The following RAB38 variants were observed in gnomAD, a reference collection of about 807,000 sequenced individuals.
RAB38 encodes ras-related protein Rab-38.
In RAB38, 15 loss-of-function variants were observed where a neutral mutation model predicts 18.4. The ratio of observed to expected loss-of-function variants is 0.82; its 90% confidence interval spans 0.55 to 1.26. RAB38 has a LOEUF of 1.26. Among genes scored for constraint, RAB38 ranks in the 50% most tolerant of loss-of-function variants. The pLI is 0.00. For synonymous variants in RAB38, 101 were observed against 104.4 expected, an observed-to-expected ratio of 0.97 and a Z score of 0.20; for missense variants, 294 against 267.4, an observed-to-expected ratio of 1.10 and a Z score of -0.69.
chr11:87,938,986 C>T, the RAB38 span, among the ~76,000 whole-genome samples: 2 of 151,864 alleles, frequency 1.3e-5, no homozygotes, highest in Non-Finnish European at 2.9e-5. Context: ...GTTTTTTTAA[C>T]GTTGCACTTT....
At chr11:87,937,257 G>T in the RAB38 span, among the ~76,000 whole-genome samples, 1 of 139,788 alleles carries the variant, frequency 7.2e-6, no homozygotes, top group African/African-American at 2.7e-5. Flanking sequence ...TGCATTAATT[G>T]ATTTAGAGTA....
chr11:88,013,414 A>G, the RAB38 span, among the ~76,000 whole-genome samples: 1 of 152,176 alleles, frequency 6.6e-6, no homozygotes, highest in Admixed American at 6.5e-5. Context: ...ACATCCAAGG[A>G]TGTGACTTCA....
At position 88,175,221 on chromosome 11, in the gene RAB38, G is replaced by C. The variant is rs1287741331; in HGVS notation, c.164C>G (p.Pro55Arg). The change falls in exon 1 of 3, where the codon CCG (proline) becomes CGG (arginine). Residue 55 changes from proline (P) to arginine (R), a missense_variant. Transcript: ENST00000243662. ...DFALKVLHWD[P>R]ETVVRLQLWD... The stretch of plus-strand genomic sequence containing the variant: ...GAGCTGCAGGCGCACCACAGTCTCC[G>C]GGTCCCAGTGGAGCACCTTGAGCGC... The C allele has an allele frequency of 2.5e-6, 4 of 1,613,574 alleles. No individual in the cohort carries two copies. The highest frequency in any genetic ancestry group is 2.5e-6 in the Non-Finnish European group (3 of 1,179,848).
the RAB38 span, among the ~76,000 whole-genome samples, chr11:87,921,883 G>A: frequency 6.6e-6 from 1 of 151,846 alleles, no homozygotes; most frequent in African/African-American, 2.4e-5. Context: ...TTAAAGAGAT[G>A]ATCTAGTCTT....
chr11:87,828,922 A>G, the RAB38 span, among the ~76,000 whole-genome samples: 7 of 152,216 alleles, frequency 4.6e-5, no homozygotes, highest in Non-Finnish European at 8.8e-5. Flanking sequence ...AGTCATTTAA[A>G]TAGATTTAGG....
the RAB38 span, among the ~76,000 whole-genome samples, chr11:87,904,717 C>CT: frequency 6.6e-6 from 1 of 151,656 alleles, no homozygotes; most frequent in Non-Finnish European, 1.5e-5. Context: ...TAAGTGTTCC[C>CT]TTTTGTCTGC....
At chr11:88,057,031 C>A in the RAB38 span, among the ~76,000 whole-genome samples, 1 of 152,094 alleles carries the variant, frequency 6.6e-6, no homozygotes, top group Non-Finnish European at 1.5e-5. Flanking sequence ...CTAAACAAGA[C>A]TGACCTGATC....
At chr11:88,019,917 C>T in the RAB38 span, among the ~76,000 whole-genome samples, 597 of 152,228 alleles carry the variant, frequency 3.9e-3, 3 homozygotes, top group African/African-American at 0.013. Flanking sequence ...TCTATCTCCT[C>T]CAAACACACA....
intron 2 of RAB38, among the ~76,000 whole-genome samples, chr11:88,132,790 A>G (rs1942781661): frequency 6.6e-6 from 1 of 152,234 alleles, no homozygotes; most frequent in African/African-American, 2.4e-5. Flanking sequence ...TAAAAATAAT[A>G]GATTAAAAAT....
intron 2 of RAB38, among the ~76,000 whole-genome samples, chr11:88,132,838 T>A (rs1452962079): frequency 6.6e-6 from 1 of 152,130 alleles, no homozygotes; most frequent in Non-Finnish European, 1.5e-5. Context: ...AGAATAATAT[T>A]TAATAGATAT....
the RAB38 span, among the ~76,000 whole-genome samples, chr11:88,025,179 T>A: frequency 6.6e-6 from 1 of 151,014 alleles, no homozygotes; most frequent in Non-Finnish European, 1.5e-5. Context: ...ATCATATATG[T>A]GATATACATA....
the RAB38 span, among the ~76,000 whole-genome samples, chr11:87,949,601 A>G: frequency 1.2e-4 from 18 of 152,148 alleles, no homozygotes; most frequent in African/African-American, 4.3e-4. Context: ...CTTTGTTCTC[A>G]TTGGTTTCAA....
the RAB38 span, among the ~76,000 whole-genome samples, chr11:87,823,590 G>C: frequency 6.6e-6 from 1 of 152,142 alleles, no homozygotes; most frequent in African/African-American, 2.4e-5. Flanking sequence ...GAACAGAATA[G>C]AAAGTTCAGA....
At chr11:87,815,272 T>G in the RAB38 span, 1 of 152,110 alleles carries the variant, frequency 6.6e-6, no homozygotes, top group Non-Finnish European at 1.5e-5. Flanking sequence ...AAGATGAGAA[T>G]GGGAGATCAA....
chr11:88,096,017 A>G, the RAB38 span, among the ~76,000 whole-genome samples: 1 of 151,784 alleles, frequency 6.6e-6, no homozygotes, highest in East Asian at 1.9e-4. Flanking sequence ...TTCTGCTTCT[A>G]CCTCTGACCC....
chr11:87,944,853 T>A, the RAB38 span, among the ~76,000 whole-genome samples: 6 of 152,126 alleles, frequency 3.9e-5, no homozygotes, highest in African/African-American at 1.4e-4. Context: ...TGTTTTTGTT[T>A]GTTTGTTTTT....
the RAB38 span, among the ~76,000 whole-genome samples, chr11:88,067,242 A>G: frequency 6.6e-6 from 1 of 152,132 alleles, no homozygotes; most frequent in Non-Finnish European, 1.5e-5. Flanking sequence ...ATATTTTTTA[A>G]AGCTCATTGA....
chr11:87,822,305 C>A, the RAB38 span, among the ~76,000 whole-genome samples: 1 of 152,122 alleles, frequency 6.6e-6, no homozygotes, highest in Non-Finnish European at 1.5e-5. Context: ...TTAAAACAAT[C>A]CAAGTACAAG....
the RAB38 span, among the ~76,000 whole-genome samples, chr11:87,821,733 C>G: frequency 6.6e-6 from 1 of 151,772 alleles, no homozygotes; most frequent in African/African-American, 2.4e-5. Flanking sequence ...TACCTGTAAT[C>G]TCAGCTACTT....
Sources: allele counts gnomAD v4.1 joint callset (sites outside exome capture counted in the v4.1 genomes callset), GRCh38; gene constraint gnomAD v4.1.1; transcripts MANE v1.5; gene names NCBI Gene and HGNC (gene_info 2026-07-23, HGNC 2026-07-21).